Variants in LCOR observed in about 807,000 individuals in gnomAD.
The protein encoded by LCOR is ligand-dependent corepressor.
A neutral mutation model predicts 64.4 loss-of-function variants in LCOR; 14 were observed. The observed-to-expected ratio is 0.22, with a 90% CI of 0.14 to 0.34. LCOR has a LOEUF of 0.34. LCOR is among the 10% of genes least tolerant of loss of function. The pLI is 1.00. For missense variants in LCOR, 1,686 were observed against 1,765.3 expected (o/e 0.96, Z 0.80); for synonymous variants, 643 against 642.5 (o/e 1.00, Z -0.01).
At chr10:96,974,226 A>G (rs1364332152) in intron 7 of LCOR, among the ~76,000 whole-genome samples, 2 of 152,258 alleles carry the variant, frequency 1.3e-5, no homozygotes, top group African/African-American at 2.4e-5. Flanking sequence ...GGTCAAGGTC[A>G]TGCACACCGT....
intron 7 of LCOR, among the ~76,000 whole-genome samples, chr10:96,967,976 A>G (rs1039307028): frequency 2.0e-5 from 3 of 152,232 alleles, no homozygotes; most frequent in African/African-American, 7.2e-5. Flanking sequence ...ACACTAGACT[A>G]GATCCACTGA....
chr10:96,870,244 C>T (rs1157928652), intron 2 of LCOR, among the ~76,000 whole-genome samples: 2 of 152,100 alleles, frequency 1.3e-5, no homozygotes, highest in Non-Finnish European at 2.9e-5. Context: ...ATCTCCTGAC[C>T]TCATGATCTG....
rs1409991131 is a variant in LCOR, at chr10:96,985,983, T to C, written c.*849T>C. The C allele has an allele frequency of 1.2e-5, 2 of 167,100 alleles. No individual in the cohort carries two copies. The highest frequency in any genetic ancestry group is 4.8e-5 in the African/African-American group (2 of 41,466). 10.4% of individuals were successfully genotyped at this position (167,100 alleles called of 1,614,324 possible). On this transcript the variant is annotated 3_prime_UTR_variant, in exon 8 of 8. Transcript: ENST00000421806. ...CGGGAGGAAAAAGCCTAGGATTTTT[T>C]TTTTCCATCTTGTAGCTGTAATTTG...
chr10:96,964,020 A>G (rs932331782), intron 7 of LCOR: 1 of 152,072 alleles, frequency 6.6e-6, no homozygotes, highest in Non-Finnish European at 1.5e-5. Context: ...ACTGTAGTTT[A>G]TATTTATTTA....
intron 2 of LCOR, among the ~76,000 whole-genome samples, chr10:96,847,406 T>TTTTATTTATTTATTTA (rs137983276): frequency 1.3e-5 from 2 of 150,842 alleles, no homozygotes; most frequent in African/African-American, 4.9e-5. Flanking sequence ...GTCAAGAGTA[T>TTTTATTTATTTATTTA]TTTATTTATT....
chr10:96,953,914 C>A (rs1049856084), intron 7 of LCOR, among the ~76,000 whole-genome samples: 4 of 152,300 alleles, frequency 2.6e-5, no homozygotes, highest in Middle Eastern at 3.4e-3. Flanking sequence ...TAATCATCCC[C>A]TTGGGCATGT....
chr10:96,939,379 C>T (rs4919060), intron 4 of LCOR, among the ~76,000 whole-genome samples: 5 of 152,106 alleles, frequency 3.3e-5, no homozygotes, highest in East Asian at 3.9e-4. Flanking sequence ...CCTAAAAGTA[C>T]GCCCTAAAAG....
At chr10:96,960,630 T>C (rs1354598038) in intron 7 of LCOR, 1 of 152,164 alleles carries the variant, frequency 6.6e-6, no homozygotes, top group Non-Finnish European at 1.5e-5. Context: ...ATATCAAAGA[T>C]TGTTTTCCTT....
At chr10:96,905,554 A>T (rs941898778) in intron 2 of LCOR, among the ~76,000 whole-genome samples, 1 of 152,134 alleles carries the variant, frequency 6.6e-6, no homozygotes, top group Non-Finnish European at 1.5e-5. Context: ...AATAGGCAGT[A>T]TCTAGCATTT....
chr10:96,945,838 C>T (rs1847580208), intron 5 of LCOR, among the ~76,000 whole-genome samples: 3 of 152,036 alleles, frequency 2.0e-5, no homozygotes, highest in East Asian at 3.8e-4. Flanking sequence ...TCATAAGACT[C>T]CTACAGAAAA....
chr10:96,925,248 GTATTTTTAGTA>G (rs1163287391), intron 4 of LCOR, among the ~76,000 whole-genome samples: 1 of 151,888 alleles, frequency 6.6e-6, no homozygotes, highest in East Asian at 1.9e-4. Flanking sequence ...GCTAATTTTT[GTATTTTTAGTA>G]GAGACAGGGT....
chr10:96,880,073 C>T (rs1846236531), intron 2 of LCOR, among the ~76,000 whole-genome samples: 1 of 152,192 alleles, frequency 6.6e-6, no homozygotes, highest in African/African-American at 2.4e-5. Flanking sequence ...AATGTTGCTT[C>T]AGTTGCTTCA....
chr10:96,909,606 CTATT>C lies in LCOR; in HGVS notation c.-184+1863_-184+1866del, dbSNP rs1846793808. ...ACCCCTGCATATAACCATTGTATCA[CTATT>C]TATCTGTGTTGGCAAGTTGCTTTAA... On this transcript the variant is annotated intron_variant, in intron 4 of 7. Coordinates refer to ENST00000421806, the MANE Select transcript of LCOR (RefSeq NM_001346516.2). Among the ~76,000 whole-genome samples, 5 of 152,320 alleles carry C rather than the reference CTATT, an allele frequency of 3.3e-5. No individual in the cohort carries two copies. In the South Asian group the frequency reaches 1.0e-3, roughly 32 times the overall value.
At chr10:96,949,435 G>A (rs1324023576) in intron 6 of LCOR, 140 bp downstream of exon 6, 2 of 813,322 alleles carry the variant, frequency 2.5e-6, no homozygotes, top group Non-Finnish European at 2.0e-6. Context: ...TTCTTACTAT[G>A]CAGTGATGGA....
intron 4 of LCOR, among the ~76,000 whole-genome samples, chr10:96,943,579 A>G (rs575573806): frequency 6.6e-6 from 1 of 152,368 alleles, no homozygotes; most frequent in East Asian, 1.9e-4. Context: ...TTTTAAAAAT[A>G]GTAATCTAGA....
chr10:96,838,845 A>C (rs547397431), intron 2 of LCOR, among the ~76,000 whole-genome samples: 151 of 152,322 alleles, frequency 9.9e-4, no homozygotes, highest in Middle Eastern at 3.4e-3. Context: ...GTATGTACCT[A>C]GGATGGAATT....
intron 2 of LCOR, among the ~76,000 whole-genome samples, chr10:96,886,404 A>G (rs765239680): frequency 3.3e-5 from 5 of 152,228 alleles, no homozygotes; most frequent in Admixed American, 6.5e-5. Context: ...TTTGAGGATC[A>G]TGACCGTGCT....
At chr10:96,852,312 T>C (rs943432006) in intron 2 of LCOR, among the ~76,000 whole-genome samples, 11 of 151,978 alleles carry the variant, frequency 7.2e-5, no homozygotes, top group Non-Finnish European at 4.4e-5. Context: ...GTCCCAGCTG[T>C]TTGGGAGACT....
At chr10:96,868,964 G>A (rs919817614) in intron 2 of LCOR, among the ~76,000 whole-genome samples, 2 of 152,044 alleles carry the variant, frequency 1.3e-5, no homozygotes, top group African/African-American at 4.8e-5. Flanking sequence ...GGAGTACAGT[G>A]GTACAATCTT....
Sources: gnomAD v4.1 joint callset for allele counts (sites outside exome capture counted in the v4.1 genomes callset) on GRCh38, gnomAD v4.1.1 for gene constraint, MANE v1.5 for transcripts, NCBI Gene and HGNC (gene_info 2026-07-23, HGNC 2026-07-21) for gene names.